Variants in MCAT observed in about 807,000 individuals in gnomAD.
MCAT encodes malonyl-CoA-acyl carrier protein transacylase.
Under a neutral mutation model 22.9 loss-of-function variants are expected in MCAT, and 22 were observed. The ratio of observed to expected loss-of-function variants is 0.96; its 90% CI spans 0.69 to 1.37. MCAT has a LOEUF of 1.37. Among genes scored for constraint, MCAT ranks in the 40% most tolerant of loss-of-function variants. The pLI, the probability that MCAT is intolerant of heterozygous loss-of-function variation, is 0.00. For missense variants in MCAT, 534 were observed against 533.6 expected (o/e 1.00, Z -0.01); for synonymous variants, 240 against 233.9 (o/e 1.03, Z -0.24).
rs1162847872 is a variant in MCAT, at chr22:43,142,937, G to C, written c.412C>G (p.Leu138Val). Reference protein sequence around the residue: ...SLAAVEKLHHLQPSVIENCVA... With the variant: ...SLAAVEKLHHVQPSVIENCVA... The stretch of plus-strand genomic sequence containing the variant: ...GCCTCGGGCCTCACCGAGGGCTGCA[G>C]GTGATGTAGTTTCTCGACAGCGGCC... The change falls in exon 1 of 4, where the codon CTG becomes GTG. Residue 138 changes from leucine to valine, a missense_variant. Coordinates refer to ENST00000290429, the MANE Select transcript of MCAT (RefSeq NM_173467.5). 1.3e-6 allele frequency: 2 copies of C among 1,576,206 alleles called. No homozygotes were observed. The highest frequency in any genetic ancestry group is 1.7e-6 in the Non-Finnish European group (2 of 1,160,158).
intron 2 of MCAT, chr22:43,140,957 T>G: frequency 1.7e-6 from 1 of 580,256 alleles, no homozygotes; most frequent in Non-Finnish European, 3.1e-6. Flanking sequence ...TTCATGAGAT[T>G]ACAAAAATAA....
intron 3 of MCAT, 149 bp downstream of exon 3, chr22:43,136,932 C>T (rs1601741881): frequency 9.9e-6 from 7 of 709,644 alleles, no homozygotes; most frequent in South Asian, 1.7e-5. Flanking sequence ...TTGCAGCACT[C>T]GGTCTACCTC....
chr22:43,133,807 C>CCTT (rs1555973353), intron 3 of MCAT, among the ~76,000 whole-genome samples: 40 of 141,318 alleles, frequency 2.8e-4, no homozygotes, highest in African/African-American at 9.5e-4. Flanking sequence ...AATGAGAATT[C>CCTT]TTTTTTTTTT....
Position 43,143,339 on chromosome 22 carries a change from G to A in MCAT, c.10C>T (p.Arg4Trp), listed in dbSNP as rs1471092121. MSV[R>W]VARVAWVRGL... is the part of the protein sequence containing the mutation. The stretch of plus-strand genomic sequence containing the variant: ...CTGACCCACGCTACCCGTGCGACCC[G>A]GACGCTCATGGTCGGACACCTGCCC... Residue 4 changes from arginine to tryptophan, a missense_variant, in exon 1 of 4, where the codon CGG (arginine) becomes TGG (tryptophan). Physicochemically the swap from Arg to Trp is moderately radical, Grantham distance 101. Coordinates refer to ENST00000290429, the MANE Select transcript of MCAT (RefSeq NM_173467.5). The A allele has an allele frequency of 3.6e-6, 5 of 1,384,600 alleles. No individual in the cohort carries two copies. The highest frequency in any genetic ancestry group is 3.0e-5 in the East Asian group (1 of 33,012). 85.8% of individuals were successfully genotyped at this position (1,384,600 alleles called of 1,614,324 possible). A position where few individuals can be genotyped will look rare whatever the true frequency, so the allele number is the denominator to read the frequency against.
chr22:43,137,140 C>T lies in MCAT; in HGVS notation c.670G>A (p.Val224Ile), dbSNP rs189694952. ...HCKSLGIENP[V>I]CEVSNYLFPD... Reference sequence around the variant, plus strand: ...AAGAGGTAGTTGGACACTTCACATACGGGGTTCTCTATGCCTAAAGACTTG... The same window carrying T: ...AAGAGGTAGTTGGACACTTCACATATGGGGTTCTCTATGCCTAAAGACTTG... The change falls in exon 3 of 4, where the codon GTA (valine) becomes ATA (isoleucine). Residue 224 changes from valine (V) to isoleucine (I), a missense_variant. Transcript: ENST00000290429. The T allele has an allele frequency of 3.8e-5, 61 of 1,614,160 alleles. No homozygotes were observed. The Admixed American group carries it at 6.0e-4, about 16-fold the overall frequency.
chr22:43,134,052 C>T (rs983657910), intron 3 of MCAT, among the ~76,000 whole-genome samples: 2 of 152,258 alleles, frequency 1.3e-5, no homozygotes, highest in East Asian at 1.9e-4. Context: ...AGGCATGAGC[C>T]GCCGCACCCG....
chr22:43,139,978 C>CT (rs1930723837), intron 2 of MCAT, among the ~76,000 whole-genome samples: 1 of 151,576 alleles, frequency 6.6e-6, no homozygotes, highest in Non-Finnish European at 1.5e-5. Flanking sequence ...TGTTATAACG[C>CT]TTAAAAAAAA....
chr22:43,142,300 G>C (rs1262104913), intron 1 of MCAT, among the ~76,000 whole-genome samples: 1 of 152,126 alleles, frequency 6.6e-6, no homozygotes, highest in Non-Finnish European at 1.5e-5. Context: ...AGGCCGAGGT[G>C]GGTGAACCTG....
intron 1 of MCAT, among the ~76,000 whole-genome samples, chr22:43,141,605 CTT>C (rs751130913): frequency 2.6e-5 from 4 of 151,806 alleles, no homozygotes; most frequent in Non-Finnish European, 5.9e-5. Flanking sequence ...GAGTTTTGCT[CTT>C]GTTGCCCAGG....
Position 43,143,129 on chromosome 22 carries a change from C to G in MCAT, c.220G>C (p.Val74Leu), listed in dbSNP as rs1404481186. ...VLLFPGQGSQ[V>L]VGMGRGLLNY... is the part of the protein sequence containing the mutation. Reference sequence around the variant, plus strand: ...AGCAGACCGCGGCCCATGCCCACCACCTGGCTGCCCTGGCCCGGGAAGAGC... The same window carrying G: ...AGCAGACCGCGGCCCATGCCCACCAGCTGGCTGCCCTGGCCCGGGAAGAGC... The change falls in exon 1 of 4, where the codon GTG becomes CTG. Residue 74 changes from valine (V) to leucine (L), a missense_variant. Physicochemically the swap from Val to Leu is conservative, Grantham distance 32. Coordinates refer to ENST00000290429, the MANE Select transcript of MCAT (RefSeq NM_173467.5). 6.3e-7 allele frequency: 1 copy of G among 1,597,080 alleles called. No homozygotes were observed. The highest frequency in any genetic ancestry group is 8.5e-7 in the Non-Finnish European group (1 of 1,176,308).
rs956822268 is a variant in MCAT at position 43,132,621 on chromosome 22, T to TG, written c.*421dup. Reference sequence around the variant, plus strand: ...GACAAAGGAGCCCTGGGGGGCAGGCTGGGGGTGGTGGAGGGGCTCCCCTGG... The same window carrying TG: ...GACAAAGGAGCCCTGGGGGGCAGGCTGGGGGGTGGTGGAGGGGCTCCCCTGG... On this transcript the variant is annotated 3_prime_UTR_variant, in exon 4 of 4. Coordinates refer to ENST00000290429, the MANE Select transcript of MCAT (RefSeq NM_173467.5). The TG allele has an allele frequency of 2.9e-5, 5 of 172,224 alleles. No individual in the cohort carries two copies. The highest frequency in any genetic ancestry group is 2.2e-4 in the Admixed American group (4 of 18,106). 10.7% of individuals were successfully genotyped at this position (172,224 alleles called of 1,614,324 possible).
At chr22:43,142,140 C>G (rs1930786737) in intron 1 of MCAT, among the ~76,000 whole-genome samples, 1 of 152,350 alleles carries the variant, frequency 6.6e-6, no homozygotes, top group East Asian at 1.9e-4. Flanking sequence ...GGTAAAGGAT[C>G]TCAAGTGCTA....
intron 3 of MCAT, among the ~76,000 whole-genome samples, chr22:43,136,365 C>T (rs1375809155): frequency 1.3e-5 from 2 of 152,252 alleles, no homozygotes; most frequent in East Asian, 1.9e-4. Flanking sequence ...CTGCAATCTG[C>T]GCTCACTCAG....
intron 2 of MCAT, among the ~76,000 whole-genome samples, chr22:43,139,518 A>C (rs1337910411): frequency 6.6e-6 from 1 of 152,012 alleles, no homozygotes; most frequent in Non-Finnish European, 1.5e-5. Flanking sequence ...AGAGCAAGAT[A>C]CTGCCTCAAA....
At chr22:43,139,580 C>CCT (rs1555974337) in intron 2 of MCAT, among the ~76,000 whole-genome samples, 4 of 142,220 alleles carry the variant, frequency 2.8e-5, no homozygotes, top group African/African-American at 1.0e-4. Flanking sequence ...TAATTCTGCA[C>CCT]TTTTTTTTTT....
chr22:43,136,463 A>G (rs1317858935), intron 3 of MCAT, among the ~76,000 whole-genome samples: 2 of 152,166 alleles, frequency 1.3e-5, no homozygotes, highest in Non-Finnish European at 2.9e-5. Flanking sequence ...GCTGGCAAAC[A>G]CATGCCCGTC....
intron 2 of MCAT, among the ~76,000 whole-genome samples, chr22:43,138,051 C>G (rs911261713): frequency 7.2e-5 from 11 of 151,968 alleles, no homozygotes; most frequent in Admixed American, 6.6e-4. Flanking sequence ...TAGGGAGACC[C>G]TGTCCCTGCA....
At chr22:43,142,436 A>C (rs568715076) in intron 1 of MCAT, among the ~76,000 whole-genome samples, 1 of 151,874 alleles carries the variant, frequency 6.6e-6, no homozygotes, top group South Asian at 2.1e-4. Context: ...GCAGTGAGCC[A>C]AGACTGCGCC....
In MCAT at chr22:43,133,105, C is replaced by T. The variant is rs143026395; in HGVS notation, c.1111G>A (p.Ala371Thr). ...CNMQAWKSYS[A>T]VDVLQTLEHV... ...TCGAGGGTCTGCAGCACATCCACGG[C>T]GCTGTAGGACTTCCAGGCCTGCATG... The change falls in exon 4 of 4, where the codon GCC becomes ACC. Residue 371 changes from alanine (A) to threonine (T), a missense_variant. Ala to Thr is a moderately conservative substitution (Grantham distance 58). Transcript: ENST00000290429. The T allele has an allele frequency of 6.6e-5, 107 of 1,614,058 alleles. No individual in the cohort carries two copies. The highest frequency in any genetic ancestry group is 4.8e-5 in the Non-Finnish European group (57 of 1,180,040).
Sources: allele counts gnomAD v4.1 joint callset (sites outside exome capture counted in the v4.1 genomes callset), GRCh38; gene constraint gnomAD v4.1.1; transcripts MANE v1.5; gene names NCBI Gene and HGNC (gene_info 2026-07-23, HGNC 2026-07-21).